Variants in PHF20 observed in about 807,000 individuals in gnomAD.
The protein encoded by PHF20 is glioma-expressed antigen 2.
In PHF20, 23 loss-of-function variants were observed where a neutral mutation model predicts 113.5. That is an observed-to-expected ratio of 0.20 (90% CI 0.15 to 0.29). The LOEUF (loss-of-function observed/expected upper bound fraction) is 0.29, where lower values mean the gene tolerates loss of function less well. Ranked by LOEUF, PHF20 falls within the 10% of genes least tolerant of loss-of-function variation. The probability of loss-of-function intolerance (pLI) is 1.00; values close to 1 mark genes in which losing one functional copy is unlikely to be tolerated. For synonymous variants in PHF20, 434 were observed against 457.3 expected, an observed-to-expected ratio of 0.95 and a Z score of 0.65; for missense variants, 943 against 1,219.6, an observed-to-expected ratio of 0.77 and a Z score of 3.38.
chr20:35,805,158 C>T (rs1651440665), intron 2 of PHF20, among the ~76,000 whole-genome samples: 1 of 151,852 alleles, frequency 6.6e-6, no homozygotes, highest in Non-Finnish European at 1.5e-5. Flanking sequence ...CCCAACTCGG[C>T]CTCCTGAGTG....
intron 1 of PHF20, among the ~76,000 whole-genome samples, chr20:35,788,281 A>G (rs2041466083): frequency 6.6e-6 from 1 of 150,966 alleles, no homozygotes. Flanking sequence ...TGTTTTTAGT[A>G]GAGACAGGGT....
At chr20:35,790,704 C>G (rs1167511430) in intron 1 of PHF20, among the ~76,000 whole-genome samples, 1 of 152,022 alleles carries the variant, frequency 6.6e-6, no homozygotes, top group African/African-American at 2.4e-5. Context: ...TCCCACAGCC[C>G]CTCTGCTAAA....
chr20:35,857,040 T>TAACTTTGTTGTTGCA (rs1399482548), intron 4 of PHF20, among the ~76,000 whole-genome samples: 1 of 152,158 alleles, frequency 6.6e-6, no homozygotes, highest in Non-Finnish European at 1.5e-5. Flanking sequence ...AACCAGGTCT[T>TAACTTTGTTGTTGCA]AACTTTGTTG....
At chr20:35,847,284 A>G in intron 3 of PHF20, 66 bp from the exon 4 acceptor site, 1 of 1,015,624 alleles carries the variant, frequency 9.8e-7, no homozygotes, top group Non-Finnish European at 1.5e-6. Flanking sequence ...GAGATCTGGT[A>G]TGTCCTGTAT....
chr20:35,855,521 G>C (rs79989570), intron 4 of PHF20: 1 of 153,742 alleles, frequency 6.5e-6, no homozygotes, highest in Admixed American at 6.6e-5. Flanking sequence ...ATTTTTGTGG[G>C]TACATAAGTG....
chr20:35,903,421 A>G (rs6058355), intron 10 of PHF20, among the ~76,000 whole-genome samples: 39,393 of 151,880 alleles, frequency 0.26, 6,131 homozygotes, highest in African/African-American at 0.44. Context: ...TGATCAATTT[A>G]GCAGCAGAAT....
chr20:35,846,338 A>C (rs936080269), intron 3 of PHF20, among the ~76,000 whole-genome samples: 1 of 150,914 alleles, frequency 6.6e-6, no homozygotes, highest in East Asian at 2.0e-4. Flanking sequence ...GCCACCACAC[A>C]GGCTAATTTT....
At chr20:35,870,677 G>T (rs6060649) in intron 7 of PHF20, among the ~76,000 whole-genome samples, 11,553 of 148,464 alleles carry the variant, frequency 0.078, 706 homozygotes, top group South Asian at 0.2. Context: ...CATTTGGGAA[G>T]CCCCAAAATA....
rs1307109193 is a variant in PHF20, at chr20:35,899,499, A to G, written c.1412A>G (p.Tyr471Cys). The G allele has an allele frequency of 6.2e-7, 1 of 1,614,222 alleles. No individual in the cohort carries two copies. Among genetic ancestry groups the G allele is most frequent in the Non-Finnish European group, 8.5e-7 (1 of 1,180,032 alleles). The change falls in exon 10 of 18, where the codon TAT becomes TGT. Residue 471 changes from tyrosine (Y) to cysteine (C), a missense_variant. Around this residue, in one of 3 missense-constraint regions of PHF20, gnomAD observed 592 missense variants for 787.2 expected, o/e 0.75. Transcript: ENST00000374012. ...TTCCGCAAAGCCAAACTGTTGCACT[A>G]TCACATGAAGTATTTCCATGGAATG... is the stretch of plus-strand genomic sequence containing the variant. ...KFFRKAKLLH[Y>C]HMKYFHGMEK... is the part of the protein sequence containing the mutation.
chr20:35,898,613 G>A (rs1028204254), intron 9 of PHF20, among the ~76,000 whole-genome samples: 4 of 151,012 alleles, frequency 2.6e-5, no homozygotes, highest in Non-Finnish European at 4.4e-5. Flanking sequence ...TTTTTTGTTT[G>A]TTTGTTTTTT....
At chr20:35,832,443 G>T (rs2042371180) in intron 2 of PHF20, among the ~76,000 whole-genome samples, 1 of 152,152 alleles carries the variant, frequency 6.6e-6, no homozygotes, top group African/African-American at 2.4e-5. Context: ...TTGTCTCCTG[G>T]GGAAGCAGGC....
intron 2 of PHF20, among the ~76,000 whole-genome samples, chr20:35,804,042 T>G (rs1418996487): frequency 6.6e-6 from 1 of 151,838 alleles, no homozygotes; most frequent in Non-Finnish European, 1.5e-5. Flanking sequence ...TACCACATTT[T>G]GTTTATCTAG....
intron 2 of PHF20, among the ~76,000 whole-genome samples, chr20:35,807,457 G>C (rs2041904683): frequency 6.7e-6 from 1 of 150,328 alleles, no homozygotes; most frequent in Non-Finnish European, 1.5e-5. Context: ...GGCTCAAGCA[G>C]TTCTCCCTGC....
intron 2 of PHF20, among the ~76,000 whole-genome samples, chr20:35,814,089 AAG>A (rs2042025324): frequency 6.6e-6 from 1 of 152,098 alleles, no homozygotes; most frequent in Admixed American, 6.6e-5. Context: ...TTTTTAAAAA[AAG>A]AAATTTAGCT....
chr20:35,776,941 T>A (rs2041187309), intron 1 of PHF20, among the ~76,000 whole-genome samples: 1 of 152,184 alleles, frequency 6.6e-6, no homozygotes, highest in Non-Finnish European at 1.5e-5. Flanking sequence ...TTGCAGCAGA[T>A]CTGATTTCTT....
At chr20:35,837,582 A>G (rs2042464929) in intron 2 of PHF20, among the ~76,000 whole-genome samples, 1 of 152,238 alleles carries the variant, frequency 6.6e-6, no homozygotes, top group Non-Finnish European at 1.5e-5. Flanking sequence ...AGGTTGAACC[A>G]GATAAAATTG....
chr20:35,929,430 G>A (rs1377248876), intron 14 of PHF20, among the ~76,000 whole-genome samples: 1 of 152,246 alleles, frequency 6.6e-6, no homozygotes. Context: ...ACAAACACAA[G>A]TCCAGAAGGG....
intron 4 of PHF20, chr20:35,855,281 A>C (rs1231751396): frequency 1.1e-5 from 15 of 1,337,278 alleles, no homozygotes; most frequent in Non-Finnish European, 1.5e-5. Flanking sequence ...ACAGGAACCC[A>C]GACCTTTGTT....
intron 5 of PHF20, among the ~76,000 whole-genome samples, chr20:35,861,271 A>C (rs1175580571): frequency 6.6e-6 from 1 of 152,170 alleles, no homozygotes; most frequent in Admixed American, 6.5e-5. Flanking sequence ...TATAAGTACA[A>C]AGCACAAAGA....
Sources: allele counts gnomAD v4.1 joint callset (sites outside exome capture counted in the v4.1 genomes callset), GRCh38; gene constraint gnomAD v4.1.1; regional missense constraint gnomAD v4.1.1; transcripts MANE v1.5; gene names NCBI Gene and HGNC (gene_info 2026-07-23, HGNC 2026-07-21).